Variants in KYNU observed in about 807,000 individuals in gnomAD.
KYNU encodes the protein L-kynurenine hydrolase.
KYNU carries 54 observed loss-of-function variants against 59.2 expected under a neutral mutation model. That is an observed-to-expected ratio of 0.91 (90% CI 0.73 to 1.14). The LOEUF is 1.14. Among genes scored for constraint, KYNU ranks in the 50% most tolerant of loss-of-function variants. The probability of loss-of-function intolerance (pLI) is 0.00; values close to 1 mark genes in which losing one functional copy is unlikely to be tolerated. For synonymous variants in KYNU, 177 were observed against 192.0 expected (o/e 0.92, Z 0.65); for missense variants, 567 against 554.4 (o/e 1.02, Z -0.23).
At chr2:142,918,767 T>G in intron 3 of KYNU, 38 bp downstream of exon 3, 1 of 1,581,612 alleles carries the variant, frequency 6.3e-7, no homozygotes, top group Non-Finnish European at 8.7e-7. Flanking sequence ...CTACATCTCA[T>G]ACAAAAATTT....
intron 7 of KYNU, among the ~76,000 whole-genome samples, chr2:142,959,407 A>AG (rs1684267325): frequency 6.6e-6 from 1 of 152,008 alleles, no homozygotes; most frequent in African/African-American, 2.4e-5. Context: ...ACCAACATGG[A>AG]GAAACCCCAT....
At chr2:142,960,293 G>A (rs1286729655) in intron 7 of KYNU, among the ~76,000 whole-genome samples, 1 of 152,170 alleles carries the variant, frequency 6.6e-6, no homozygotes, top group Non-Finnish European at 1.5e-5. Context: ...CTTGCACTTT[G>A]TGGTGTTTTA....
chr2:142,886,209 G>C (rs1229128207), intron 2 of KYNU, among the ~76,000 whole-genome samples: 2 of 152,098 alleles, frequency 1.3e-5, no homozygotes, highest in Non-Finnish European at 2.9e-5. Context: ...TAATAAAAAA[G>C]GTTCCCAGGT....
At chr2:142,966,736 G>A (rs1054765563) in intron 8 of KYNU, among the ~76,000 whole-genome samples, 1 of 152,056 alleles carries the variant, frequency 6.6e-6, no homozygotes, top group African/African-American at 2.4e-5. Context: ...AAATAATCGT[G>A]CCAACTTCAC....
intron 7 of KYNU, 136 bp from the exon 8 acceptor site, chr2:142,960,488 T>G: frequency 3.1e-6 from 2 of 649,098 alleles, no homozygotes; most frequent in Non-Finnish European, 5.0e-6. Flanking sequence ...TTATGCCAGA[T>G]TTTTAAAGAA....
At chr2:143,024,691 TAA>T (rs1315902150) in intron 10 of KYNU, among the ~76,000 whole-genome samples, 4 of 152,082 alleles carry the variant, frequency 2.6e-5, no homozygotes, top group Non-Finnish European at 5.9e-5. Flanking sequence ...TAAAATCCAA[TAA>T]TTTTAATAGG....
chr2:142,899,547 G>T (rs114988418), intron 2 of KYNU, among the ~76,000 whole-genome samples: 1 of 152,126 alleles, frequency 6.6e-6, no homozygotes, highest in African/African-American at 2.4e-5. Context: ...GCCGAACAAC[G>T]CTCTTAACTG....
At chr2:143,041,847 A>G (rs1417277473) in intron 13 of KYNU, among the ~76,000 whole-genome samples, 200 bp from the exon 14 acceptor site, 2 of 152,018 alleles carry the variant, frequency 1.3e-5, no homozygotes, top group Non-Finnish European at 2.9e-5. Flanking sequence ...GCACCAATCC[A>G]TTCTTATTTC....
At chr2:142,907,557 C>T (rs940328938) in intron 2 of KYNU, among the ~76,000 whole-genome samples, 14 of 152,270 alleles carry the variant, frequency 9.2e-5, no homozygotes, top group African/African-American at 1.4e-4. Context: ...GTAACAAATA[C>T]GGACAAGAAG....
chr2:142,962,035 T>C (rs1344198520), intron 8 of KYNU, among the ~76,000 whole-genome samples: 1 of 152,210 alleles, frequency 6.6e-6, no homozygotes. Flanking sequence ...ACTCTGAAAG[T>C]GGTGCATTAC....
At chr2:142,930,420 A>T (rs943207499) in intron 4 of KYNU, among the ~76,000 whole-genome samples, 1 of 152,172 alleles carries the variant, frequency 6.6e-6, no homozygotes. Flanking sequence ...AAGGGAGGAG[A>T]AAGGGTCTCC....
At chr2:142,964,618 A>G (rs980587592) in intron 8 of KYNU, 1 of 152,164 alleles carries the variant, frequency 6.6e-6, no homozygotes, top group Admixed American at 6.6e-5. Flanking sequence ...CCATATTTCT[A>G]TATGGTTAGC....
chr2:142,977,941 C>T (rs1030000831), intron 8 of KYNU, among the ~76,000 whole-genome samples: 39 of 152,024 alleles, frequency 2.6e-4, no homozygotes, highest in African/African-American at 8.9e-4. Flanking sequence ...AGTGGAGGCC[C>T]CTCTTATAGA....
At chr2:142,926,986 G>A (rs1236657370) in intron 3 of KYNU, among the ~76,000 whole-genome samples, 1 of 152,184 alleles carries the variant, frequency 6.6e-6, no homozygotes, top group African/African-American at 2.4e-5. Context: ...TGTTTTTCAA[G>A]TGTATTTGCC....
chr2:143,042,720 T>C lies in KYNU; in HGVS notation c.*548T>C, dbSNP rs1314822759. Reference sequence around the variant, plus strand: ...TTTTTTTGGGTACAATCCACATTGCTCCTGCTGATCTGTAATATCAGAAAC... The same window carrying C: ...TTTTTTTGGGTACAATCCACATTGCCCCTGCTGATCTGTAATATCAGAAAC... On this transcript the variant is annotated 3_prime_UTR_variant, in exon 14 of 14. Transcript: ENST00000264170. The C allele has an allele frequency of 6.7e-6, 1 of 150,138 alleles. No individual in the cohort carries two copies. The highest frequency in any genetic ancestry group is 1.5e-5 in the Non-Finnish European group (1 of 67,592). 9.3% of individuals were successfully genotyped at this position (150,138 alleles called of 1,614,324 possible). A position where few individuals can be genotyped will look rare whatever the true frequency, so the allele number is the denominator to read the frequency against.
chr2:143,032,625 C>T (rs1686784327), intron 11 of KYNU, among the ~76,000 whole-genome samples: 1 of 151,944 alleles, frequency 6.6e-6, no homozygotes, highest in African/African-American at 2.4e-5. Flanking sequence ...ACAGTTCAAT[C>T]TGCTTAATTC....
chr2:142,934,580 T>C (rs1683325399), intron 4 of KYNU, among the ~76,000 whole-genome samples: 2 of 152,104 alleles, frequency 1.3e-5, no homozygotes, highest in Non-Finnish European at 2.9e-5. Flanking sequence ...ATTTCTACAA[T>C]AGAGACTTGG....
At chr2:143,020,528 G>T (rs1686373979) in intron 10 of KYNU, among the ~76,000 whole-genome samples, 1 of 152,134 alleles carries the variant, frequency 6.6e-6, no homozygotes, top group Non-Finnish European at 1.5e-5. Context: ...AAGTTGTTGA[G>T]AATTGTTTGT....
At chr2:143,031,328 T>C (rs1686730372) in intron 11 of KYNU, among the ~76,000 whole-genome samples, 1 of 152,222 alleles carries the variant, frequency 6.6e-6, no homozygotes, top group Non-Finnish European at 1.5e-5. Context: ...TTCTAGGCTA[T>C]ACAGTCTCTG....
Sources: gnomAD v4.1 joint callset for allele counts (sites outside exome capture counted in the v4.1 genomes callset) on GRCh38, gnomAD v4.1.1 for gene constraint, MANE v1.5 for transcripts, NCBI Gene and HGNC (gene_info 2026-07-23, HGNC 2026-07-21) for gene names.